Variants in PTPRM observed in about 807,000 individuals in gnomAD.
The protein encoded by PTPRM is receptor-type tyrosine-protein phosphatase mu.
In PTPRM, 47 loss-of-function variants were observed where a neutral mutation model predicts 186.7. That is an observed-to-expected ratio of 0.25 (90% CI 0.20 to 0.32). The LOEUF is 0.32. Among genes scored for constraint, PTPRM ranks in the 10% least tolerant of loss-of-function variants. The probability of loss-of-function intolerance (pLI) is 1.00; values close to 1 mark genes in which losing one functional copy is unlikely to be tolerated. For missense variants in PTPRM, 1,494 were observed against 1,865.0 expected (o/e 0.80, Z 3.66); for synonymous variants, 668 against 674.9 (o/e 0.99, Z 0.16).
chr18:7,632,654 A>G (rs921510539), intron 1 of PTPRM, among the ~76,000 whole-genome samples: 19 of 152,314 alleles, frequency 1.2e-4, no homozygotes, highest in African/African-American at 4.1e-4. Flanking sequence ...CCAGCCATCA[A>G]CTGTGCCAGA....
At chr18:7,763,777 T>C (rs534509427) in intron 1 of PTPRM, among the ~76,000 whole-genome samples, 1 of 152,282 alleles carries the variant, frequency 6.6e-6, no homozygotes, top group East Asian at 1.9e-4. Context: ...AAATAAATAG[T>C]TGGCTGTCTG....
chr18:7,888,229 G>C lies in PTPRM; in HGVS notation c.320G>C (p.Ser107Thr). Residue 107 changes from serine (S) to threonine (T), a missense_variant, in exon 3 of 33, where the codon AGT (serine) becomes ACT (threonine). This residue lies in a region of PTPRM where 296 missense variants were observed against 345.5 expected (regional missense o/e 0.86). Coordinates refer to ENST00000580170, the MANE Select transcript of PTPRM (RefSeq NM_001105244.2). ...IDFHYFVSSK[S>T]NSPPGLLNVY... Reference sequence around the variant, plus strand: ...TTTCACTATTTTGTGTCCAGCAAGAGTAATTCTCCTCCGGGGTTACTCAAT... The same window carrying C: ...TTTCACTATTTTGTGTCCAGCAAGACTAATTCTCCTCCGGGGTTACTCAAT... 2 of 1,614,126 alleles carry C rather than the reference G, an allele frequency of 1.2e-6. No homozygotes were observed. Among genetic ancestry groups the C allele is most frequent in the Admixed American group, 3.3e-5 (2 of 60,018 alleles).
At chr18:8,329,893 G>A (rs1044514868) in intron 22 of PTPRM, among the ~76,000 whole-genome samples, 12 of 152,068 alleles carry the variant, frequency 7.9e-5, no homozygotes, top group Non-Finnish European at 1.5e-4. Flanking sequence ...CCAGCTCCTC[G>A]GCTCAAGGGA....
At chr18:7,718,126 G>C (rs2040377713) in intron 1 of PTPRM, among the ~76,000 whole-genome samples, 1 of 151,772 alleles carries the variant, frequency 6.6e-6, no homozygotes, top group Non-Finnish European at 1.5e-5. Flanking sequence ...TAAGCAAAAA[G>C]AACAAATCTG....
intron 1 of PTPRM, among the ~76,000 whole-genome samples, chr18:7,642,705 T>C (rs767044810): frequency 3.3e-5 from 5 of 152,188 alleles, no homozygotes; most frequent in Non-Finnish European, 5.9e-5. Context: ...CTTTGTTATG[T>C]GGTCATTTGA....
At chr18:7,623,662 C>T (rs1434493358) in intron 1 of PTPRM, among the ~76,000 whole-genome samples, 1 of 151,866 alleles carries the variant, frequency 6.6e-6, no homozygotes, top group Non-Finnish European at 1.5e-5. Context: ...ATAATGTTAC[C>T]TTGAGTGTCT....
Position 7,658,330 on chromosome 18 carries a change from TTATATATATATATA to T in PTPRM, c.73+90456_73+90469del, listed in dbSNP as rs34009975. Among the ~76,000 whole-genome samples, 22 of 124,452 alleles carry T rather than the reference TTATATATATATATA, an allele frequency of 1.8e-4. 1 individual carries two copies. Among genetic ancestry groups the T allele is most frequent in the South Asian group, 7.3e-4 (3 of 4,104 alleles). 81.6% of individuals were successfully genotyped at this position (124,452 alleles called of 152,430 possible). ...GTGGCTTCCTAAAATTAAAGTAAAT[TTATATATATATATA>T]TATATATATATATATACATACACAC... On this transcript the variant is annotated intron_variant, in intron 1 of 32. Transcript: ENST00000580170.
At chr18:8,390,779 T>C (rs2095806114) in intron 31 of PTPRM, among the ~76,000 whole-genome samples, 1 of 151,772 alleles carries the variant, frequency 6.6e-6, no homozygotes, top group South Asian at 2.1e-4. Flanking sequence ...CTACAAAAAA[T>C]TAGCCGGGCG....
At chr18:7,728,776 T>C (rs1485423680) in intron 1 of PTPRM, among the ~76,000 whole-genome samples, 1 of 152,246 alleles carries the variant, frequency 6.6e-6, no homozygotes, top group Non-Finnish European at 1.5e-5. Context: ...AGCATTTCTC[T>C]ATTATAATTG....
At chr18:8,130,746 T>C (rs533149494) in intron 13 of PTPRM, among the ~76,000 whole-genome samples, 1 of 152,184 alleles carries the variant, frequency 6.6e-6, no homozygotes, top group African/African-American at 2.4e-5. Context: ...CTAACTGTGA[T>C]TTTAAAAGGG....
At chr18:7,817,985 G>A (rs2044941144) in intron 2 of PTPRM, among the ~76,000 whole-genome samples, 1 of 152,212 alleles carries the variant, frequency 6.6e-6, no homozygotes, top group South Asian at 2.1e-4. Context: ...CACAGGGAAG[G>A]TGGTGTCTGT....
chr18:7,815,478 T>C (rs1379703933), intron 2 of PTPRM: 2 of 152,152 alleles, frequency 1.3e-5, no homozygotes, highest in Non-Finnish European at 2.9e-5. Flanking sequence ...TTCTATCTTA[T>C]TAATAGTATA....
At chr18:8,154,049 A>G (rs541651612) in intron 14 of PTPRM, among the ~76,000 whole-genome samples, 1 of 152,276 alleles carries the variant, frequency 6.6e-6, no homozygotes, top group African/African-American at 2.4e-5. Context: ...GTGTTTCCCT[A>G]CTTAAACCTC....
intron 7 of PTPRM, among the ~76,000 whole-genome samples, chr18:8,062,552 A>C (rs2088618067): frequency 1.1e-4 from 2 of 18,610 alleles, no homozygotes; most frequent in Admixed American, 5.8e-4. Context: ...TAGAGTTTCC[A>C]GTTTTTCTGT....
intron 14 of PTPRM, among the ~76,000 whole-genome samples, chr18:8,211,377 C>CTTTTTTTTTTTTTTTTTTTTTTTT (rs970926126): frequency 6.3e-4 from 55 of 87,230 alleles, no homozygotes; most frequent in Non-Finnish European, 7.0e-4. Context: ...GTCTCTTCTT[C>CTTTTTTTTTTTTTTTTTTTTTTTT]TTTTTTTTTT....
chr18:7,942,896 T>C (rs1443600), intron 5 of PTPRM, among the ~76,000 whole-genome samples: 148,332 of 152,204 alleles, frequency 0.97, 72,301 homozygotes, highest in East Asian at 1. Flanking sequence ...CGTGTCTTCT[T>C]AGAATGGGGC....
intron 2 of PTPRM, among the ~76,000 whole-genome samples, chr18:7,800,939 A>G (rs984577687): frequency 6.6e-6 from 1 of 152,148 alleles, no homozygotes; most frequent in Non-Finnish European, 1.5e-5. Context: ...GGCATGCAAG[A>G]TAAAAACGGC....
chr18:8,346,600 G>GT (rs1428276724), intron 23 of PTPRM, among the ~76,000 whole-genome samples: 3 of 152,162 alleles, frequency 2.0e-5, no homozygotes, highest in African/African-American at 7.2e-5. Flanking sequence ...GTCCATAACA[G>GT]CCTGCTTAAT....
rs552396071 is a variant in PTPRM at position 8,202,762 on chromosome 18, C to T, written c.2301-41296C>T. Among the ~76,000 whole-genome samples, 9 of 152,204 alleles carry T rather than the reference C, an allele frequency of 5.9e-5. No individual in the cohort carries two copies. The East Asian group carries it at 1.7e-3, about 29-fold the overall frequency. ...TCCTTTTAAGCATTTTTCTCCTTGACTCTGTCTCGATTGTCCTGTTCTCTC... is the reference window on the plus strand; with the variant it reads ...TCCTTTTAAGCATTTTTCTCCTTGATTCTGTCTCGATTGTCCTGTTCTCTC... On this transcript the variant is annotated intron_variant, in intron 14 of 32. Coordinates refer to ENST00000580170, the MANE Select transcript of PTPRM (RefSeq NM_001105244.2).
Sources: allele counts gnomAD v4.1 joint callset (sites outside exome capture counted in the v4.1 genomes callset), GRCh38; gene constraint gnomAD v4.1.1; regional missense constraint gnomAD v4.1.1; transcripts MANE v1.5; gene names NCBI Gene and HGNC (gene_info 2026-07-23, HGNC 2026-07-21).